ARID1B: variants seen among roughly 807,000 people sequenced by gnomAD.
ARID1B encodes the protein AT-rich interaction domain 1B, also known as AT-rich interactive domain-containing protein 1B.
A neutral mutation model predicts 212.3 loss-of-function variants in ARID1B; 30 were observed. That is an observed-to-expected ratio of 0.14 (90% CI 0.11 to 0.19). The LOEUF is 0.19. Among genes scored for constraint, ARID1B ranks in the 10% least tolerant of loss-of-function variants. The pLI, the probability that ARID1B is intolerant of heterozygous loss-of-function variation, is 1.00. For synonymous variants in ARID1B, 1,402 were observed against 1,301.7 expected, an observed-to-expected ratio of 1.08 and a Z score of -1.66; for missense variants, 2,891 against 3,204.0, an observed-to-expected ratio of 0.90 and a Z score of 2.36.
chr6:156,835,428 C>G (rs1176063639), intron 2 of ARID1B, among the ~76,000 whole-genome samples: 1 of 151,982 alleles, frequency 6.6e-6, no homozygotes, highest in East Asian at 1.9e-4. Flanking sequence ...TAGCCTTTTT[C>G]CGAAAAGTGA....
chr6:157,078,035 C>T (rs187805487), intron 4 of ARID1B, among the ~76,000 whole-genome samples: 8 of 152,300 alleles, frequency 5.3e-5, no homozygotes, highest in Non-Finnish European at 1.2e-4. Flanking sequence ...GTTACGCACA[C>T]GAGTCTTTTT....
chr6:156,978,069 A>C (rs780903636), intron 4 of ARID1B, among the ~76,000 whole-genome samples: 5 of 152,208 alleles, frequency 3.3e-5, no homozygotes, highest in Non-Finnish European at 5.9e-5. Context: ...TTCTTCACAC[A>C]CACAGGCTGA....
intron 1 of ARID1B, among the ~76,000 whole-genome samples, chr6:156,813,691 C>T (rs1214824809): frequency 6.6e-6 from 1 of 152,080 alleles, no homozygotes; most frequent in Non-Finnish European, 1.5e-5. Context: ...TTTGTCGAAC[C>T]CTGTTCTCCA....
At chr6:157,126,639 C>T (rs917804740) in intron 6 of ARID1B, among the ~76,000 whole-genome samples, 14 of 151,958 alleles carry the variant, frequency 9.2e-5, no homozygotes, top group African/African-American at 2.9e-4. Flanking sequence ...TATGAGGTTT[C>T]GAGGAAACTT....
chr6:156,836,142 A>C (rs1400586297), intron 2 of ARID1B, among the ~76,000 whole-genome samples: 2 of 152,216 alleles, frequency 1.3e-5, no homozygotes, highest in African/African-American at 4.8e-5. Context: ...CTTGGAAAAC[A>C]AACACTGAAC....
chr6:157,125,802 C>T (rs972398624), intron 6 of ARID1B, among the ~76,000 whole-genome samples: 1 of 152,170 alleles, frequency 6.6e-6, no homozygotes. Context: ...CCCCTGGCAC[C>T]TCGTGAATGA....
intron 5 of ARID1B, among the ~76,000 whole-genome samples, chr6:157,097,078 C>A (rs1785692263): frequency 6.6e-6 from 1 of 152,074 alleles, no homozygotes; most frequent in Non-Finnish European, 1.5e-5. Flanking sequence ...CTGTCTCGTT[C>A]TTTACTTTTA....
At chr6:157,060,094 G>T (rs1221248342) in intron 4 of ARID1B, among the ~76,000 whole-genome samples, 3 of 152,176 alleles carry the variant, frequency 2.0e-5, no homozygotes, top group Non-Finnish European at 4.4e-5. Flanking sequence ...TTTTGGAAAA[G>T]AATGTAATTA....
At chr6:157,168,029 T>TCCCGTGATGC (rs1259649336) in intron 9 of ARID1B, 2 of 152,244 alleles carry the variant, frequency 1.3e-5, no homozygotes, top group African/African-American at 4.8e-5. Context: ...CCAGTGTGTA[T>TCCCGTGATGC]CCCGTGATGC....
rs116666503 is a variant in ARID1B, at chr6:156,954,365, T to C, written c.2247+18789T>C. 5.7e-3 allele frequency among the ~76,000 whole-genome samples: 874 copies of C among 152,296 alleles called. 14 individuals are homozygous for C. Among genetic ancestry groups the C allele is most frequent in the African/African-American group, 0.02 (843 of 41,558 alleles). On this transcript the variant is annotated intron_variant, in intron 4 of 19. Coordinates refer to ENST00000636930, the MANE Select transcript of ARID1B (RefSeq NM_001374828.1). The stretch of plus-strand genomic sequence containing the variant: ...GTTGGACATTTTGAAAATGCTTTAG[T>C]TGATGTAACTTTCGAAGCAATATGC...
intron 1 of ARID1B, among the ~76,000 whole-genome samples, chr6:156,825,797 T>C (rs1423091824): frequency 6.6e-6 from 1 of 152,246 alleles, no homozygotes; most frequent in Non-Finnish European, 1.5e-5. Context: ...CTTCATTCAC[T>C]TGGCTGATTT....
chr6:157,095,445 T>G (rs1785549206), intron 5 of ARID1B, among the ~76,000 whole-genome samples: 1 of 152,100 alleles, frequency 6.6e-6, no homozygotes, highest in South Asian at 2.1e-4. Flanking sequence ...CCCAAAAAGG[T>G]AGAGACTGTG....
At chr6:156,952,414 A>G (rs973470703) in intron 4 of ARID1B, among the ~76,000 whole-genome samples, 13 of 152,234 alleles carry the variant, frequency 8.5e-5, no homozygotes, top group African/African-American at 2.9e-4. Flanking sequence ...GCTCCTAAGG[A>G]GTAACATGGA....
At chr6:156,805,340 C>T (rs905077129) in intron 1 of ARID1B, among the ~76,000 whole-genome samples, 8 of 152,216 alleles carry the variant, frequency 5.3e-5, no homozygotes, top group Non-Finnish European at 1.0e-4. Flanking sequence ...TGTTTGAATC[C>T]CCAGTTCTGC....
chr6:156,857,171 A>G (rs1429784558), intron 2 of ARID1B, among the ~76,000 whole-genome samples: 4 of 152,200 alleles, frequency 2.6e-5, no homozygotes, highest in Admixed American at 2.0e-4. Context: ...AAGTATTACC[A>G]TTTTCCAGAC....
intron 4 of ARID1B, among the ~76,000 whole-genome samples, chr6:157,015,271 T>C (rs1779855524): frequency 1.3e-5 from 2 of 152,266 alleles, no homozygotes; most frequent in South Asian, 4.2e-4. Flanking sequence ...CTTGGGCAGA[T>C]TGGGAAATAG....
intron 4 of ARID1B, among the ~76,000 whole-genome samples, chr6:156,983,907 C>T (rs1251702675): frequency 2.0e-5 from 3 of 152,192 alleles, no homozygotes; most frequent in African/African-American, 4.8e-5. Context: ...TCCTGCACCC[C>T]TCAGCCAGTT....
intron 5 of ARID1B, among the ~76,000 whole-genome samples, chr6:157,109,098 C>T (rs543209136): frequency 1.3e-5 from 2 of 152,296 alleles, no homozygotes; most frequent in African/African-American, 4.8e-5. Flanking sequence ...CGTGATTAGA[C>T]TTAGTAAGGA....
At chr6:156,964,302 T>G (rs1794596094) in intron 4 of ARID1B, among the ~76,000 whole-genome samples, 1 of 152,230 alleles carries the variant, frequency 6.6e-6, no homozygotes, top group South Asian at 2.1e-4. Context: ...AGGTGCTAAG[T>G]CTCATTTTGA....
Sources: allele counts gnomAD v4.1 joint callset (sites outside exome capture counted in the v4.1 genomes callset), GRCh38; gene constraint gnomAD v4.1.1; transcripts MANE v1.5; gene names NCBI Gene and HGNC (gene_info 2026-07-23, HGNC 2026-07-21).